FRMD4A: variants seen among roughly 807,000 people sequenced by gnomAD.
The protein encoded by FRMD4A is FERM domain containing 4A.
Under a neutral mutation model 129.1 loss-of-function variants are expected in FRMD4A, and 29 were observed. The ratio of observed to expected loss-of-function variants is 0.22; its 90% confidence interval spans 0.17 to 0.31. FRMD4A has a LOEUF of 0.31. Among genes scored for constraint, FRMD4A ranks in the 10% least tolerant of loss-of-function variants. FRMD4A has a pLI of 1.00. For missense variants in FRMD4A, 1,272 were observed against 1,375.8 expected (o/e 0.92, Z 1.19); for synonymous variants, 634 against 571.6 (o/e 1.11, Z -1.56).
chr10:13,790,121 C>A (rs2092962909), intron 5 of FRMD4A, among the ~76,000 whole-genome samples: 1 of 151,778 alleles, frequency 6.6e-6, no homozygotes, highest in Admixed American at 6.6e-5. Flanking sequence ...GGAATAACAG[C>A]GAGTAGTGAC....
At chr10:13,690,855 T>C (rs2085619298) in intron 15 of FRMD4A, among the ~76,000 whole-genome samples, 1 of 152,278 alleles carries the variant, frequency 6.6e-6, no homozygotes, top group Non-Finnish European at 1.5e-5. Context: ...ATCTATTAGG[T>C]GTACAGATGG....
intron 4 of FRMD4A, among the ~76,000 whole-genome samples, chr10:13,805,551 C>A (rs1032285019): frequency 6.6e-6 from 1 of 151,978 alleles, no homozygotes; most frequent in Non-Finnish European, 1.5e-5. Flanking sequence ...TAGATTATGA[C>A]AATCATTAAT....
chr10:13,775,931 G>T (rs886226588), intron 6 of FRMD4A, among the ~76,000 whole-genome samples: 1 of 152,120 alleles, frequency 6.6e-6, no homozygotes, highest in Non-Finnish European at 1.5e-5. Context: ...ATTCCCTTTG[G>T]GTAAAACAAT....
chr10:13,700,820 CT>C (rs71503097), intron 14 of FRMD4A, among the ~76,000 whole-genome samples: 1,592 of 44,564 alleles, frequency 0.036, 19 homozygotes, highest in East Asian at 0.13. Flanking sequence ...AGGGTAGTTG[CT>C]TTTTTTTTTT....
chr10:13,752,585 C>T (rs1322939260), intron 8 of FRMD4A, among the ~76,000 whole-genome samples: 1 of 152,066 alleles, frequency 6.6e-6, no homozygotes, highest in African/African-American at 2.4e-5. Flanking sequence ...TGCACTGGTA[C>T]AAAAACAGCA....
At chr10:13,858,743 T>C in intron 3 of FRMD4A, 104 bp downstream of exon 3, 1 of 773,966 alleles carries the variant, frequency 1.3e-6, no homozygotes, top group Non-Finnish European at 2.4e-6. Context: ...TTAACAGAGA[T>C]TTAAAAACAG....
chr10:14,040,629 A>C (rs908797660), intron 2 of FRMD4A, among the ~76,000 whole-genome samples: 10 of 152,212 alleles, frequency 6.6e-5, no homozygotes, highest in Non-Finnish European at 1.3e-4. Flanking sequence ...AAGGCCATGC[A>C]TGGTGCCTGC....
rs117036195 is a variant in FRMD4A at position 14,153,081 on chromosome 10, G to A, written c.45+176977C>T. The stretch of plus-strand genomic sequence containing the variant: ...GAGAGCTGCCCTACTGCCCTACTGT[G>A]GTCTTTCCAATGAGCTGTCAGCAGG... On this transcript the variant is annotated intron_variant, in intron 2 of 24. Transcript: ENST00000357447. Among the ~76,000 whole-genome samples, 28 of 152,278 alleles carry A rather than the reference G, an allele frequency of 1.8e-4. No individual in the cohort carries two copies. The East Asian group carries it at 5.0e-3, about 27-fold the overall frequency.
intron 12 of FRMD4A, among the ~76,000 whole-genome samples, chr10:13,736,067 G>A (rs1444537203): frequency 6.6e-6 from 1 of 152,102 alleles, no homozygotes; most frequent in African/African-American, 2.4e-5. Flanking sequence ...CATGAGAATC[G>A]CTTGAACCTG....
intron 2 of FRMD4A, among the ~76,000 whole-genome samples, chr10:13,914,768 G>T (rs770330221): frequency 2.6e-5 from 4 of 152,076 alleles, no homozygotes; most frequent in Admixed American, 2.0e-4. Context: ...GCTGAAGTGT[G>T]ATGTGGTGGA....
intron 2 of FRMD4A, among the ~76,000 whole-genome samples, chr10:14,153,197 T>G (rs957003888): frequency 1.3e-5 from 2 of 152,158 alleles, no homozygotes; most frequent in African/African-American, 4.8e-5. Context: ...TCCAGAGAAG[T>G]GAGGGCTTAG....
chr10:13,738,616 T>C (rs2090790414), intron 11 of FRMD4A, among the ~76,000 whole-genome samples: 1 of 146,414 alleles, frequency 6.8e-6, no homozygotes, highest in Non-Finnish European at 1.5e-5. Context: ...AAACACCAAG[T>C]CCCTGTTTAT....
At chr10:14,265,504 T>C (rs1844947567) in intron 2 of FRMD4A, among the ~76,000 whole-genome samples, 2 of 152,214 alleles carry the variant, frequency 1.3e-5, no homozygotes, top group African/African-American at 4.8e-5. Context: ...AAGTAAATCA[T>C]ATGAATTTTG....
intron 5 of FRMD4A, among the ~76,000 whole-genome samples, chr10:13,794,002 G>T (rs571898814): frequency 6.6e-6 from 1 of 152,240 alleles, no homozygotes; most frequent in South Asian, 2.1e-4. Context: ...GGACCCTGGT[G>T]ATGAGCCCCA....
At chr10:13,982,424 A>G (rs1432569737) in intron 2 of FRMD4A, among the ~76,000 whole-genome samples, 1 of 139,838 alleles carries the variant, frequency 7.2e-6, no homozygotes, top group Admixed American at 7.6e-5. Context: ...TCAAGGCTAC[A>G]GTAAGCTGTG....
chr10:14,270,987 C>G (rs960768752), intron 2 of FRMD4A, among the ~76,000 whole-genome samples: 1 of 152,108 alleles, frequency 6.6e-6, no homozygotes, highest in Non-Finnish European at 1.5e-5. Context: ...AGTGTAACAG[C>G]GGCATCTGCT....
rs1011422705 is a variant in FRMD4A, at chr10:13,706,913, G to A, written c.836+124C>T. ...TGTCTGATTTGAGCTCCATTCCCCA[G>A]GAGCCCCCACCCTCGCTCCCTGCTC... On this transcript the variant is annotated intron_variant, in intron 13 of 24. Coordinates refer to ENST00000357447, the MANE Select transcript of FRMD4A (RefSeq NM_018027.5). 1.6e-5 allele frequency: 10 copies of A among 620,398 alleles called. No homozygotes were observed. The African/African-American group carries it at 1.7e-4, about 10-fold the overall frequency. 38.4% of individuals were successfully genotyped at this position (620,398 alleles called of 1,614,324 possible).
intron 2 of FRMD4A, among the ~76,000 whole-genome samples, chr10:14,246,102 A>G (rs1564414522): frequency 6.6e-6 from 1 of 152,128 alleles, no homozygotes; most frequent in African/African-American, 2.4e-5. Context: ...TCCCATTCCC[A>G]AAGACTGATG....
intron 2 of FRMD4A, among the ~76,000 whole-genome samples, chr10:14,127,966 CTTTCTTTCTTTCCT>C (rs553465783): frequency 0.18 from 10,082 of 54,504 alleles, 879 homozygotes; most frequent in African/African-American, 0.22. Flanking sequence ...TTCTTTCTTT[CTTTCTTTCTTTCCT>C]TCTCTCTCTC....
Sources: allele counts gnomAD v4.1 joint callset (sites outside exome capture counted in the v4.1 genomes callset), GRCh38; gene constraint gnomAD v4.1.1; transcripts MANE v1.5; gene names NCBI Gene and HGNC (gene_info 2026-07-23, HGNC 2026-07-21).